NEMP2: variants seen among roughly 807,000 people sequenced by gnomAD.
NEMP2 encodes nuclear envelope integral membrane protein 2.
Under a neutral mutation model 54.2 loss-of-function variants are expected in NEMP2, and 53 were observed. The observed-to-expected ratio is 0.98, with a 90% CI of 0.78 to 1.23. NEMP2 has a LOEUF of 1.23. NEMP2 is among the 50% of genes most tolerant of loss of function. The pLI, the probability that NEMP2 is intolerant of heterozygous loss-of-function variation, is 0.00. For missense variants in NEMP2, 455 were observed against 511.3 expected (o/e 0.89, Z 1.06); for synonymous variants, 197 against 190.3 (o/e 1.04, Z -0.29).
At chr2:190,562,319 G>A in the NEMP2 span, among the ~76,000 whole-genome samples, 1 of 152,112 alleles carries the variant, frequency 6.6e-6, no homozygotes, top group Non-Finnish European at 1.5e-5. The surrounding 1 kb of genome is among the most constrained non-coding windows in gnomAD (Gnocchi z 5.0). Flanking sequence ...CCTCCCATCT[G>A]CCCATAGATA....
At chr2:190,571,271 G>A in the NEMP2 span, among the ~76,000 whole-genome samples, 5 of 152,122 alleles carry the variant, frequency 3.3e-5, no homozygotes, top group Non-Finnish European at 5.9e-5. Flanking sequence ...GGCCAGGCAC[G>A]GTGGCTCACG....
At chr2:190,590,776 TGTGA>T in the NEMP2 span, among the ~76,000 whole-genome samples, 1 of 152,220 alleles carries the variant, frequency 6.6e-6, no homozygotes, top group African/African-American at 2.4e-5. This position sits in a 1 kb window ranked among gnomAD's most constrained non-coding sequence, Gnocchi z 5.1. Context: ...TGCTAACTGT[TGTGA>T]GTAATAAAGC....
chr2:190,432,239 T>G, the NEMP2 span, among the ~76,000 whole-genome samples: 1 of 152,198 alleles, frequency 6.6e-6, no homozygotes, highest in Non-Finnish European at 1.5e-5. Context: ...TTAACTTTCC[T>G]GCCTAGAGGA....
chr2:190,628,849 CT>C, the NEMP2 span: 1 of 152,278 alleles, frequency 6.6e-6, no homozygotes, highest in East Asian at 1.9e-4. The surrounding 1 kb of genome is among the most constrained non-coding windows in gnomAD (Gnocchi z 4.1). Context: ...GATTGTGCTA[CT>C]TCCTCGCCTG....
At chr2:190,480,494 T>C in the NEMP2 span, among the ~76,000 whole-genome samples, 1 of 152,248 alleles carries the variant, frequency 6.6e-6, no homozygotes, top group Non-Finnish European at 1.5e-5. Flanking sequence ...TGAACCTTCA[T>C]TATGAAAGCT....
the NEMP2 span, among the ~76,000 whole-genome samples, chr2:190,444,085 T>G: frequency 6.6e-6 from 1 of 152,196 alleles, no homozygotes; most frequent in East Asian, 1.9e-4. Context: ...ATGAGTAGTC[T>G]AATTAAGTTA....
chr2:190,518,868 A>G (rs758006246), intron 3 of NEMP2, 60 bp from the exon 4 acceptor site: 1 of 1,512,572 alleles, frequency 6.6e-7, no homozygotes, highest in Non-Finnish European at 8.9e-7. Flanking sequence ...TAATGTTGGT[A>G]AAAGAAGAAA....
the NEMP2 span, among the ~76,000 whole-genome samples, chr2:190,596,632 T>C: frequency 1.3e-5 from 2 of 152,218 alleles, no homozygotes; most frequent in African/African-American, 4.8e-5. This position sits in a 1 kb window ranked among gnomAD's most constrained non-coding sequence, Gnocchi z 5.1. Context: ...AAAACATTGG[T>C]CGCTTGTCTT....
chr2:190,538,061 G>A (rs1691435940), upstream of NEMP2, among the ~76,000 whole-genome samples: 1 of 152,114 alleles, frequency 6.6e-6, no homozygotes, highest in Non-Finnish European at 1.5e-5. This position sits in a 1 kb window ranked among gnomAD's most constrained non-coding sequence, Gnocchi z 4.1. Flanking sequence ...ATGGTCTAAA[G>A]TGACTAATCC....
chr2:190,572,767 T>A, the NEMP2 span, among the ~76,000 whole-genome samples: 2 of 143,634 alleles, frequency 1.4e-5, no homozygotes, highest in Admixed American at 7.2e-5. Flanking sequence ...CTTCCTGTTG[T>A]CAAAAGTATA....
the NEMP2 span, among the ~76,000 whole-genome samples, chr2:190,481,003 G>A: frequency 2.6e-5 from 4 of 152,164 alleles, no homozygotes; most frequent in East Asian, 1.9e-4. Context: ...TGACCAAAGC[G>A]TAAGGGAAAT....
chr2:190,482,467 G>A, the NEMP2 span, among the ~76,000 whole-genome samples: 2 of 148,770 alleles, frequency 1.3e-5, no homozygotes, highest in Non-Finnish European at 3.0e-5. Flanking sequence ...GGAAAGGTTT[G>A]TCACAGCTGA....
chr2:190,613,895 T>A, the NEMP2 span, among the ~76,000 whole-genome samples: 1 of 152,090 alleles, frequency 6.6e-6, no homozygotes, highest in African/African-American at 2.4e-5. Context: ...CAGCCATTAC[T>A]TCACCAATAA....
chr2:190,636,546 C>T, the NEMP2 span, among the ~76,000 whole-genome samples: 9 of 152,192 alleles, frequency 5.9e-5, no homozygotes, highest in Non-Finnish European at 8.8e-5. Context: ...CATCACTAAG[C>T]GTATGTCGTA....
chr2:190,439,051 A>T, the NEMP2 span, among the ~76,000 whole-genome samples: 1 of 152,074 alleles, frequency 6.6e-6, no homozygotes, highest in African/African-American at 2.4e-5. The surrounding 1 kb of genome is among the most constrained non-coding windows in gnomAD (Gnocchi z 5.8). Context: ...ACCATTCTGA[A>T]AGAGAGCCCA....
Position 190,528,506 on chromosome 2 carries a change from C to T in NEMP2, c.98-3128G>A, listed in dbSNP as rs555429363. On this transcript the variant is annotated intron_variant, in intron 1 of 8. Transcript: ENST00000409150. This position sits in a 1 kb window ranked among gnomAD's most constrained non-coding sequence, Gnocchi z 4.3. ...GCATTCCAGCAGGGCAGGTGAAGAGCATGAAGTCTCAGGTACACGGACCCA... is the reference window on the plus strand; with the variant it reads ...GCATTCCAGCAGGGCAGGTGAAGAGTATGAAGTCTCAGGTACACGGACCCA... 6.6e-6 allele frequency among the ~76,000 whole-genome samples: 1 copy of T among 152,274 alleles called. No homozygotes were observed. The highest frequency in any genetic ancestry group is 1.9e-4 in the East Asian group (1 of 5,176).
At chr2:190,637,676 TACTG>T in the NEMP2 span, among the ~76,000 whole-genome samples, 1 of 152,230 alleles carries the variant, frequency 6.6e-6, no homozygotes, top group South Asian at 2.1e-4. The surrounding 1 kb of genome is among the most constrained non-coding windows in gnomAD (Gnocchi z 4.5). Context: ...TTACAAGGCC[TACTG>T]ACTTTCACCC....
At chr2:190,442,125 A>G in the NEMP2 span, among the ~76,000 whole-genome samples, 1 of 152,250 alleles carries the variant, frequency 6.6e-6, no homozygotes, top group African/African-American at 2.4e-5. Context: ...TCTTCTTTAA[A>G]AATGGTTTTT....
the NEMP2 span, among the ~76,000 whole-genome samples, chr2:190,552,283 C>A: frequency 6.6e-6 from 1 of 152,180 alleles, no homozygotes; most frequent in African/African-American, 2.4e-5. Flanking sequence ...CGTCTTCATT[C>A]ATCAGTGTGG....
Sources: allele counts gnomAD v4.1 joint callset (sites outside exome capture counted in the v4.1 genomes callset), GRCh38; gene constraint gnomAD v4.1.1; non-coding constraint Gnocchi (gnomAD v3.1); transcripts MANE v1.5; gene names NCBI Gene and HGNC (gene_info 2026-07-23, HGNC 2026-07-21).